Variants in ADGRG1 observed in about 807,000 individuals in gnomAD.
ADGRG1 encodes 7-transmembrane protein with no EGF-like N-terminal domains-1.
ADGRG1 carries 53 observed loss-of-function variants against 73.5 expected under a neutral mutation model. The observed-to-expected ratio is 0.72, with a 90% CI of 0.58 to 0.91. The LOEUF (loss-of-function observed/expected upper bound fraction) is 0.91. Among genes scored for constraint, ADGRG1 ranks in the 40% least tolerant of loss-of-function variants. The pLI, the probability that ADGRG1 is intolerant of heterozygous loss-of-function variation, is 0.00. For synonymous variants in ADGRG1, 394 were observed against 374.4 expected (o/e 1.05, Z -0.60); for missense variants, 795 against 871.8 (o/e 0.91, Z 1.11).
intron 1 of ADGRG1, chr16:57,630,595 G>A (rs924039653): frequency 8.1e-5 from 74 of 912,692 alleles, no homozygotes; most frequent in Admixed American, 6.2e-4. Flanking sequence ...GCTGTGTCCC[G>A]GCCTGGGCCA....
chr16:57,657,521 G>C, intron 10 of ADGRG1, 30 bp downstream of exon 10: 1 of 1,524,780 alleles, frequency 6.6e-7, no homozygotes, highest in Non-Finnish European at 9.1e-7. Context: ...GGACAGGGGA[G>C]GGGACCCTCC....
intron 1 of ADGRG1, chr16:57,630,106 C>A: frequency 1.3e-6 from 1 of 760,662 alleles, no homozygotes; most frequent in Non-Finnish European, 1.6e-6. Flanking sequence ...CTGTCGGGAA[C>A]ATGGCCGTGG....
At chr16:57,645,636 C>T (rs1417183696) in intron 1 of ADGRG1, among the ~76,000 whole-genome samples, 4 of 152,152 alleles carry the variant, frequency 2.6e-5, no homozygotes, top group Admixed American at 1.3e-4. Context: ...TTCATAAGCC[C>T]GTGGTTCCCA....
At chr16:57,647,928 A>C (rs1168065154) in intron 1 of ADGRG1, 2 of 212,772 alleles carry the variant, frequency 9.4e-6, no homozygotes, top group African/African-American at 4.7e-5. Context: ...CCAATCCAGG[A>C]GGGCTGAAGT....
intron 4 of ADGRG1, 143 bp from the exon 5 acceptor site, chr16:57,653,843 C>A: frequency 1.3e-6 from 2 of 1,570,608 alleles, no homozygotes; most frequent in Non-Finnish European, 1.7e-6. Context: ...CTCTCTCTTG[C>A]CCACCCCACC....
In ADGRG1 at chr16:57,651,280, A is replaced by G. The variant is rs2044021734; in HGVS notation, c.145A>G (p.Lys49Glu). The G allele has an allele frequency of 1.9e-6, 3 of 1,614,052 alleles. No individual in the cohort carries two copies. In the Admixed American group the frequency reaches 5.0e-5, roughly 27 times the overall value. Reference protein sequence around the residue: ...NQTHRSSLHYKPTPDLRISIE... With the variant: ...NQTHRSSLHYEPTPDLRISIE... ...GACACACAGGAGCAGCCTCCACTAC[A>G]AACCCACACCAGACCTGCGCATCTC... Residue 49 changes from lysine to glutamate, a missense_variant, in exon 3 of 14, where the codon AAA becomes GAA. Coordinates refer to ENST00000562631, the MANE Select transcript of ADGRG1 (RefSeq NM_201525.4).
intron 1 of ADGRG1, chr16:57,646,942 G>T (rs1329852684): frequency 1.0e-6 from 1 of 985,234 alleles, no homozygotes; most frequent in Non-Finnish European, 1.2e-6. Context: ...GTGGGGCCGT[G>T]GTTGGTACTG....
intron 1 of ADGRG1, chr16:57,633,275 G>A (rs2038480632): frequency 3.1e-6 from 3 of 971,878 alleles, no homozygotes; most frequent in Middle Eastern, 5.2e-4. Context: ...CTCAGCTGGA[G>A]GTTTAATCTT....
Position 57,650,251 on chromosome 16 carries a change from A to T in ADGRG1, c.-35-2A>T, listed in dbSNP as rs1274144075. On this transcript the variant is annotated splice_acceptor_variant, in intron 1 of 13. Coordinates refer to ENST00000562631, the MANE Select transcript of ADGRG1 (RefSeq NM_201525.4). LOFTEE classifies it low-confidence loss of function (5UTR_SPLICE). ...CCAGCTAACACTCCTGGTCTCTTCC[A>T]GGTGGTGACTTCCAAGAGTGACTCC... 1 of 1,605,408 alleles carries T rather than the reference A, an allele frequency of 6.2e-7. No homozygotes were observed. The highest frequency in any genetic ancestry group is 2.2e-5 in the East Asian group (1 of 44,856).
At chr16:57,657,541 AC>A (rs752028505) in intron 10 of ADGRG1, 50 bp downstream of exon 10, 4 of 1,348,664 alleles carry the variant, frequency 3.0e-6, no homozygotes, top group Non-Finnish European at 4.2e-6. Context: ...CATTGCACAC[AC>A]CTCCACCAGG....
intron 3 of ADGRG1, chr16:57,652,692 C>G (rs867017261): frequency 3.0e-6 from 3 of 992,826 alleles, no homozygotes; most frequent in Non-Finnish European, 3.6e-6. Context: ...TCCTCAGTGG[C>G]ACAGAAAGTA....
chr16:57,627,867 T>C (rs11643952), upstream of ADGRG1: 791,494 of 980,288 alleles, frequency 0.81, 319,854 homozygotes, highest in Admixed American at 0.83. Flanking sequence ...TGGGGCATGG[T>C]CCATTTCCAC....
chr16:57,641,316 T>C (rs1597272754), intron 1 of ADGRG1: 2 of 985,426 alleles, frequency 2.0e-6, no homozygotes, highest in East Asian at 2.3e-4. Context: ...GACTGGTGTG[T>C]GCCCTGGCGC....
chr16:57,626,796 G>A (rs8047279), upstream of ADGRG1: 485,291 of 984,144 alleles, frequency 0.49, 121,176 homozygotes, highest in African/African-American at 0.68. Context: ...CGGGTTACCA[G>A]TTGATCAGGC....
chr16:57,639,188 C>T (rs2040119120), intron 1 of ADGRG1: 1 of 866,990 alleles, frequency 1.2e-6, no homozygotes, highest in Non-Finnish European at 1.4e-6. Context: ...TTTGTGGTCC[C>T]TTCAAGACAG....
intron 1 of ADGRG1, chr16:57,629,613 A>G (rs1375800236): frequency 6.6e-6 from 1 of 152,154 alleles, no homozygotes; most frequent in East Asian, 1.9e-4. Flanking sequence ...TTCATCACCA[A>G]GGCCAGCTTT....
At chr16:57,622,689 T>C (rs2035087730) in intron 2 of ADGRG1, 1 of 789,666 alleles carries the variant, frequency 1.3e-6, no homozygotes, top group Admixed American at 6.2e-5. Context: ...AATGACCTGT[T>C]CTGGATGGAT....
chr16:57,644,327 A>G (rs55740858), intron 1 of ADGRG1: 39,995 of 367,260 alleles, frequency 0.11, 2,246 homozygotes, highest in Admixed American at 0.16. Context: ...AAGGACATTC[A>G]TGCATGGGCA....
chr16:57,640,222 G>A (rs1425297326), intron 1 of ADGRG1: 1 of 152,224 alleles, frequency 6.6e-6, no homozygotes, highest in African/African-American at 2.4e-5. Context: ...ATTGTTGGAA[G>A]CTTTCTTTAC....
Sources: gnomAD v4.1 joint callset for allele counts (sites outside exome capture counted in the v4.1 genomes callset) on GRCh38, gnomAD v4.1.1 for gene constraint, MANE v1.5 for transcripts, NCBI Gene and HGNC (gene_info 2026-07-23, HGNC 2026-07-21) for gene names.